DCDC1: variants seen among roughly 807,000 people sequenced by gnomAD.
DCDC1 encodes the protein doublecortin domain-containing protein 1.
A neutral mutation model predicts 178.3 loss-of-function variants in DCDC1; 200 were observed. That is an observed-to-expected ratio of 1.12 (90% CI 1.00 to 1.26). DCDC1 has a LOEUF of 1.26. Ranked by LOEUF, DCDC1 falls within the 50% of genes most tolerant of loss-of-function variation. DCDC1 has a pLI of 0.00. For synonymous variants in DCDC1, 690 were observed against 604.8 expected, an observed-to-expected ratio of 1.14 and a Z score of -2.07; for missense variants, 1,983 against 1,749.2, an observed-to-expected ratio of 1.13 and a Z score of -2.38.
chr11:31,275,103 G>A (rs1475441021), intron 7 of DCDC1, among the ~76,000 whole-genome samples: 1 of 152,040 alleles, frequency 6.6e-6, no homozygotes, highest in East Asian at 1.9e-4. Flanking sequence ...GCAGACATTA[G>A]TAGTCAAAAA....
intron 23 of DCDC1, among the ~76,000 whole-genome samples, chr11:30,925,038 A>T (rs1220733496): frequency 6.6e-6 from 1 of 151,544 alleles, no homozygotes; most frequent in Non-Finnish European, 1.5e-5. Context: ...GCGCCACTGC[A>T]CTCCAGCCTG....
intron 7 of DCDC1, among the ~76,000 whole-genome samples, chr11:31,290,246 T>C (rs1033161511): frequency 6.6e-6 from 1 of 152,058 alleles, no homozygotes; most frequent in African/African-American, 2.4e-5. Flanking sequence ...GGAGCAAGGA[T>C]GCTTTTAGGT....
chr11:31,242,028 C>T (rs766140753), intron 8 of DCDC1, among the ~76,000 whole-genome samples: 2 of 151,914 alleles, frequency 1.3e-5, no homozygotes, highest in Non-Finnish European at 1.5e-5. Flanking sequence ...ACTCTATATA[C>T]CTAAAACATC....
At chr11:30,990,963 C>T (rs1198997535) in intron 20 of DCDC1, among the ~76,000 whole-genome samples, 3 of 152,188 alleles carry the variant, frequency 2.0e-5, no homozygotes, top group African/African-American at 7.2e-5. Context: ...GGGTGGGAAG[C>T]TTCCTGGTAT....
intron 20 of DCDC1, among the ~76,000 whole-genome samples, chr11:31,022,686 T>TGTGTGTGG (rs764221163): frequency 1.2e-4 from 18 of 146,682 alleles, no homozygotes; most frequent in Admixed American, 9.0e-4. Context: ...TGTGTGTGTG[T>TGTGTGTGG]GGTATGTGTT....
At chr11:31,093,247 T>C (rs1957925838) in intron 16 of DCDC1, among the ~76,000 whole-genome samples, 1 of 152,260 alleles carries the variant, frequency 6.6e-6, no homozygotes, top group African/African-American at 2.4e-5. Flanking sequence ...TCTATATGTT[T>C]GTTTTTAACT....
intron 17 of DCDC1, among the ~76,000 whole-genome samples, chr11:31,079,832 C>A (rs1273445827): frequency 1.3e-5 from 2 of 151,868 alleles, no homozygotes; most frequent in Non-Finnish European, 1.5e-5. Flanking sequence ...AAGGGTAAGT[C>A]TCAGATGTCA....
intron 34 of DCDC1, among the ~76,000 whole-genome samples, chr11:30,899,179 G>T (rs185284104): frequency 9.9e-5 from 15 of 151,824 alleles, no homozygotes; most frequent in African/African-American, 3.4e-4. Context: ...CCCAAGGAAT[G>T]ACAGCAAGGT....
At chr11:31,260,960 C>G (rs1387503210) in intron 8 of DCDC1, among the ~76,000 whole-genome samples, 1 of 152,062 alleles carries the variant, frequency 6.6e-6, no homozygotes, top group African/African-American at 2.4e-5. Context: ...TATGCTTTGT[C>G]CTAAACAAAG....
intron 9 of DCDC1, among the ~76,000 whole-genome samples, chr11:31,227,466 C>T (rs1390623955): frequency 2.6e-5 from 4 of 152,016 alleles, no homozygotes; most frequent in South Asian, 4.2e-4. Context: ...CCACCAGGCC[C>T]CACTTCCAAC....
intron 9 of DCDC1, among the ~76,000 whole-genome samples, chr11:31,213,102 T>TCTCTCTCTCTCTCTCTCTCC (rs1972867134): frequency 7.7e-5 from 1 of 13,002 alleles, no homozygotes; most frequent in African/African-American, 2.2e-4. Flanking sequence ...AAGCCCAGCC[T>TCTCTCTCTCTCTCTCTCTCC]CTCTCTCTCT....
At chr11:31,340,897 G>C (rs1950509464) in intron 1 of DCDC1, among the ~76,000 whole-genome samples, 1 of 152,130 alleles carries the variant, frequency 6.6e-6, no homozygotes, top group Non-Finnish European at 1.5e-5. Flanking sequence ...TGAGTAGATA[G>C]AGAAGGGAAG....
At chr11:31,091,729 G>A (rs981961348) in intron 16 of DCDC1, among the ~76,000 whole-genome samples, 3 of 152,048 alleles carry the variant, frequency 2.0e-5, no homozygotes, top group African/African-American at 4.8e-5. Flanking sequence ...AGTTCAGTGC[G>A]AAATAAAACA....
intron 9 of DCDC1, among the ~76,000 whole-genome samples, chr11:31,171,636 T>A (rs934179437): frequency 6.6e-6 from 1 of 152,168 alleles, no homozygotes; most frequent in African/African-American, 2.4e-5. Flanking sequence ...GAAGAGACGA[T>A]CATTATTTCC....
chr11:31,292,265 A>C (rs1360152833), intron 6 of DCDC1, among the ~76,000 whole-genome samples: 1 of 152,160 alleles, frequency 6.6e-6, no homozygotes, highest in African/African-American at 2.4e-5. Context: ...TGAGTTCATA[A>C]ATAGCCAAAA....
At position 31,262,357 on chromosome 11, in the gene DCDC1, T is replaced by G. The variant is rs766528265; in HGVS notation, c.1054+3150A>C. On this transcript the variant is annotated intron_variant, in intron 8 of 38. Coordinates refer to ENST00000684477, the MANE Select transcript of DCDC1 (RefSeq NM_001387274.1). ...CTGTTGGTCTTTTCAAAGGTTTACTTGACAAACTAAAAGTAGTTTAATATT... is the reference window on the plus strand; with the variant it reads ...CTGTTGGTCTTTTCAAAGGTTTACTGGACAAACTAAAAGTAGTTTAATATT... 3.0e-4 allele frequency among the ~76,000 whole-genome samples: 45 copies of G among 152,300 alleles called. No homozygotes were observed. The Middle Eastern group carries it at 0.01, about 35-fold the overall frequency.
chr11:31,331,726 G>A (rs1429202932), intron 2 of DCDC1, among the ~76,000 whole-genome samples: 3 of 152,194 alleles, frequency 2.0e-5, no homozygotes, highest in Non-Finnish European at 4.4e-5. Context: ...CAGGGATGAA[G>A]CCTACTTGAT....
chr11:31,042,206 G>A (rs750985499), intron 20 of DCDC1, among the ~76,000 whole-genome samples: 24 of 152,218 alleles, frequency 1.6e-4, no homozygotes, highest in Non-Finnish European at 3.2e-4. Flanking sequence ...TATCTGAGTG[G>A]CCATAGACAA....
At chr11:31,165,750 T>C (rs1389072917) in intron 9 of DCDC1, among the ~76,000 whole-genome samples, 1 of 152,246 alleles carries the variant, frequency 6.6e-6, no homozygotes, top group Admixed American at 6.5e-5. Context: ...GTTTTTCATA[T>C]GTACTGTGCG....
Sources: gnomAD v4.1 joint callset for allele counts (sites outside exome capture counted in the v4.1 genomes callset) on GRCh38, gnomAD v4.1.1 for gene constraint, MANE v1.5 for transcripts, NCBI Gene and HGNC (gene_info 2026-07-23, HGNC 2026-07-21) for gene names.